The following CAMSAP1 variants were observed in gnomAD, a reference collection of about 807,000 sequenced individuals.
CAMSAP1 encodes calmodulin-regulated spectrin-associated protein 1.
CAMSAP1 carries 58 observed loss-of-function variants against 143.5 expected under a neutral mutation model. The observed-to-expected ratio is 0.40, with a 90% CI of 0.33 to 0.50. CAMSAP1 has a LOEUF of 0.50. Among genes scored for constraint, CAMSAP1 ranks in the 20% least tolerant of loss-of-function variants. The probability of loss-of-function intolerance (pLI) is 0.45; values close to 1 mark genes in which losing one functional copy is unlikely to be tolerated. For missense variants in CAMSAP1, 1,969 were observed against 2,115.7 expected (o/e 0.93, Z 1.36); for synonymous variants, 945 against 859.3 (o/e 1.10, Z -1.74).
intron 4 of CAMSAP1, among the ~76,000 whole-genome samples, chr9:135,865,721 C>A (rs1837353071): frequency 6.6e-6 from 1 of 152,154 alleles, no homozygotes; most frequent in Non-Finnish European, 1.5e-5. Flanking sequence ...AGGGAGGAAG[C>A]TCAATGCTTA....
chr9:135,841,558 T>C (rs1836353651), intron 7 of CAMSAP1, among the ~76,000 whole-genome samples: 1 of 152,142 alleles, frequency 6.6e-6, no homozygotes, highest in Non-Finnish European at 1.5e-5. Flanking sequence ...GACTGGGTGT[T>C]TACCTCCCAG....
At chr9:135,836,686 C>T (rs1377750862) in intron 7 of CAMSAP1, 68 of 980,810 alleles carry the variant, frequency 6.9e-5, no homozygotes, top group East Asian at 1.2e-4. Flanking sequence ...CACGTCACCA[C>T]GCACTTCTAC....
intron 7 of CAMSAP1, among the ~76,000 whole-genome samples, chr9:135,849,249 G>A (rs567587795): frequency 1.3e-5 from 2 of 152,322 alleles, no homozygotes; most frequent in East Asian, 1.9e-4. Context: ...AGAATAAAGT[G>A]CTGAGTATCT....
In CAMSAP1 at chr9:135,907,364, G is replaced by C. The variant is rs1838818408; in HGVS notation, c.-205C>G. The C allele has an allele frequency of 5.8e-6, 1 of 171,738 alleles. No individual in the cohort carries two copies. Among genetic ancestry groups the C allele is most frequent in the African/African-American group, 2.4e-5 (1 of 41,264 alleles). The allele number at this position is 171,738 out of a possible 1,614,324, so 10.6% of individuals were successfully genotyped here. A position where few individuals can be genotyped will look rare whatever the true frequency, so the allele number is the denominator to read the frequency against. On this transcript the variant is annotated 5_prime_UTR_variant, in exon 1 of 17. Transcript: ENST00000389532. ...GCTGCATGCTGCGGGCGCTGAGCCC[G>C]AGCGGAGGAGGTGCCGAGCCCGCGG...
chr9:135,844,839 T>A (rs914192787), intron 7 of CAMSAP1, among the ~76,000 whole-genome samples: 6 of 152,146 alleles, frequency 3.9e-5, no homozygotes, highest in African/African-American at 1.4e-4. Context: ...AATCCCTGAA[T>A]AGACCAATAA....
intron 1 of CAMSAP1, among the ~76,000 whole-genome samples, chr9:135,888,613 G>A (rs550788346): frequency 1.4e-3 from 217 of 152,324 alleles, no homozygotes; most frequent in African/African-American, 5.0e-3. Flanking sequence ...GTCCCCGTGG[G>A]CGGCCTGGCT....
At chr9:135,828,704 C>T (rs897741004) in intron 7 of CAMSAP1, among the ~76,000 whole-genome samples, 15 of 152,210 alleles carry the variant, frequency 9.9e-5, no homozygotes, top group South Asian at 4.1e-4. Context: ...GCTGGCCCCA[C>T]GCTTAGATGA....
At chr9:135,864,884 C>A (rs570274102) in intron 4 of CAMSAP1, among the ~76,000 whole-genome samples, 1 of 152,282 alleles carries the variant, frequency 6.6e-6, no homozygotes, top group East Asian at 1.9e-4. Context: ...TCTCTGCAGC[C>A]CTCCAGCCCT....
chr9:135,828,002 G>A (rs1334715834), intron 7 of CAMSAP1, among the ~76,000 whole-genome samples: 1 of 152,182 alleles, frequency 6.6e-6, no homozygotes, highest in Admixed American at 6.5e-5. Flanking sequence ...GAGCCACCTC[G>A]CTCAGCCCAG....
At chr9:135,896,120 G>C (rs574683572) in intron 1 of CAMSAP1, among the ~76,000 whole-genome samples, 4 of 152,072 alleles carry the variant, frequency 2.6e-5, no homozygotes, top group Non-Finnish European at 5.9e-5. Context: ...GACTGGTAGA[G>C]GGTAGATTAA....
rs936158245 is a variant in CAMSAP1, at chr9:135,823,089, G to T, written c.1572C>A (p.Ser524Arg). Residue 524 changes from serine to arginine, a missense_variant, in exon 11 of 17, where the codon AGC (serine) becomes AGA (arginine). Physicochemically the swap from Ser to Arg is moderately radical, Grantham distance 110. Transcript: ENST00000389532. Reference sequence around the variant, plus strand: ...CATTGCTCAGGAGGCTCTTCCCGTGGCTCTTCGTGGCCGTGGGGTGTGGCT... The same window carrying T: ...CATTGCTCAGGAGGCTCTTCCCGTGTCTCTTCGTGGCCGTGGGGTGTGGCT... ...QNQPHPTATK[S>R]HGKSLLSNVS... is the part of the protein sequence containing the mutation. 6.2e-7 allele frequency: 1 copy of T among 1,614,034 alleles called. No individual in the cohort carries two copies. The highest frequency in any genetic ancestry group is 1.7e-5 in the Admixed American group (1 of 60,030).
chr9:135,832,290 T>G (rs2131686616), intron 7 of CAMSAP1, among the ~76,000 whole-genome samples: 1 of 152,148 alleles, frequency 6.6e-6, no homozygotes, highest in South Asian at 2.1e-4. Flanking sequence ...CAGAACACAT[T>G]AACAGAATCA....
intron 1 of CAMSAP1, among the ~76,000 whole-genome samples, chr9:135,889,598 G>C (rs1445644119): frequency 6.6e-6 from 1 of 152,228 alleles, no homozygotes; most frequent in African/African-American, 2.4e-5. Flanking sequence ...GGTGAGGAGA[G>C]GCTGGAGGGG....
chr9:135,828,948 T>C lies in CAMSAP1; in HGVS notation c.1046-1364A>G, dbSNP rs527735882. 2.6e-5 allele frequency among the ~76,000 whole-genome samples: 4 copies of C among 152,294 alleles called. No homozygotes were observed. In the East Asian group the frequency reaches 7.7e-4, roughly 29 times the overall value. ...AAAAACCCCAACCAAGAACATTTTA[T>C]CTGGCGAAGCAATACTTCAGAAACA... On this transcript the variant is annotated intron_variant, in intron 7 of 16. Transcript: ENST00000389532.
Position 135,870,902 on chromosome 9 carries a change from T to C in CAMSAP1, c.586-4366A>G, listed in dbSNP as rs566288703. ...TATCTCAATTTCTTAAAAACATTAA[T>C]TGATGATAGTTTCAAATTCCACATA... On this transcript the variant is annotated intron_variant, in intron 3 of 16. Transcript: ENST00000389532. 3.3e-5 allele frequency among the ~76,000 whole-genome samples: 5 copies of C among 152,362 alleles called. No homozygotes were observed. In the South Asian group the frequency reaches 1.0e-3, roughly 32 times the overall value.
rs112129083 is a variant in CAMSAP1, at chr9:135,861,419, TCTC to T, written c.808+1045_808+1047del. Among the ~76,000 whole-genome samples, 452 of 151,948 alleles carry T rather than the reference TCTC, an allele frequency of 3.0e-3. 5 individuals are homozygous for T. The highest frequency in any genetic ancestry group is 0.01 in the African/African-American group (415 of 41,418). On this transcript the variant is annotated intron_variant, in intron 5 of 16. Coordinates refer to ENST00000389532, the MANE Select transcript of CAMSAP1 (RefSeq NM_015447.4). ...TGTCTGCCTCCCAGGTTCAGACAAT[TCTC>T]CTGTTTCAGCCTCCCAAGTAGCTGG...
Position 135,821,682 on chromosome 9 carries a change from C to T in CAMSAP1, c.2979G>A (p.Leu993=), listed in dbSNP as rs1399859882. The stretch of plus-strand genomic sequence containing the variant: ...TCACCTTATTTCTCTCCAGCTCGTG[C>T]AGAGCCACAGGGTCTTTTGCTTTAT... ...QQHKAKDPVA[L]HELERNKVIS... The change falls in exon 11 of 17, where the codon CTG becomes CTA. Residue 993 remains leucine (L), a synonymous_variant. Transcript: ENST00000389532. The surrounding 1 kb of genome is among the most constrained non-coding windows in gnomAD (Gnocchi z 4.6). The T allele has an allele frequency of 6.2e-7, 1 of 1,613,918 alleles. No individual in the cohort carries two copies. Among genetic ancestry groups the T allele is most frequent in the Non-Finnish European group, 8.5e-7 (1 of 1,179,906 alleles).
chr9:135,848,666 G>A (rs1836664902), intron 7 of CAMSAP1, among the ~76,000 whole-genome samples: 1 of 152,170 alleles, frequency 6.6e-6, no homozygotes, highest in Non-Finnish European at 1.5e-5. Flanking sequence ...CGTGGCTGTG[G>A]CTCACACACA....
At position 135,867,519 on chromosome 9, in the gene CAMSAP1, AAATG is replaced by A. The variant is rs146159024; in HGVS notation, c.586-987_586-984del. Reference sequence around the variant, plus strand: ...AAAAAGTCTGTAAAGCTAATCAAGAAAATGAATGAAAATACCAATACATAACATG... The same window carrying A: ...AAAAAGTCTGTAAAGCTAATCAAGAAAATGAAAATACCAATACATAACATG... On this transcript the variant is annotated intron_variant, in intron 3 of 16. Coordinates refer to ENST00000389532, the MANE Select transcript of CAMSAP1 (RefSeq NM_015447.4). 1.0e-3 allele frequency among the ~76,000 whole-genome samples: 157 copies of A among 151,504 alleles called. 1 individual carries two copies. The East Asian group carries it at 0.028, about 27-fold the overall frequency.
Sources: allele counts gnomAD v4.1 joint callset (sites outside exome capture counted in the v4.1 genomes callset), GRCh38; gene constraint gnomAD v4.1.1; non-coding constraint Gnocchi (gnomAD v3.1); transcripts MANE v1.5; gene names NCBI Gene and HGNC (gene_info 2026-07-23, HGNC 2026-07-21).